The following ASPHD2 variants were observed in gnomAD, a reference collection of about 807,000 sequenced individuals.
The protein encoded by ASPHD2 is aspartate beta-hydroxylase domain-containing protein 2.
Under a neutral mutation model 34.6 loss-of-function variants are expected in ASPHD2, and 12 were observed. The observed-to-expected ratio is 0.35, with a 90% confidence interval of 0.22 to 0.56. The LOEUF is 0.56. ASPHD2 is among the 20% of genes least tolerant of loss of function. The pLI, the probability that ASPHD2 is intolerant of heterozygous loss-of-function variation, is 0.87. For synonymous variants in ASPHD2, 224 were observed against 212.2 expected, an observed-to-expected ratio of 1.06 and a Z score of -0.48; for missense variants, 375 against 505.0, an observed-to-expected ratio of 0.74 and a Z score of 2.47.
chr22:26,433,257 T>G lies in ASPHD2; in HGVS notation c.-224-135T>G. 1 of 283,630 alleles carries G rather than the reference T, an allele frequency of 3.5e-6. No individual in the cohort carries two copies. The allele number at this position is 283,630 out of a possible 1,614,324, so 17.6% of individuals were successfully genotyped here. A position where few individuals can be genotyped will look rare whatever the true frequency, so the allele number is the denominator to read the frequency against. ...TTGGGAAATGGGAGTGGCAGTAGAATGGGGAGGGAATACACAAGATTGCAA... is the reference window on the plus strand; with the variant it reads ...TTGGGAAATGGGAGTGGCAGTAGAAGGGGGAGGGAATACACAAGATTGCAA... On this transcript the variant is annotated intron_variant, in intron 1 of 3. Transcript: ENST00000215906. The surrounding 1 kb of genome is among the most constrained non-coding windows in gnomAD (Gnocchi z 5.1).
At chr22:26,438,476 T>TATATACATATATATACACAC (rs2084807388) in intron 2 of ASPHD2, among the ~76,000 whole-genome samples, 1 of 108,212 alleles carries the variant, frequency 9.2e-6, no homozygotes, top group Non-Finnish European at 2.1e-5. Flanking sequence ...CACACATATA[T>TATATACATATATATACACAC]ATACATATAT....
intron 2 of ASPHD2, among the ~76,000 whole-genome samples, chr22:26,438,682 C>T (rs75089944): frequency 2.8e-5 from 4 of 142,956 alleles, no homozygotes; most frequent in East Asian, 2.0e-4. Context: ...CATACATACA[C>T]ACACACACAC....
chr22:26,434,395 T>C lies in ASPHD2; in HGVS notation c.780T>C (p.Cys260=), dbSNP rs2084778029. 1.2e-6 allele frequency: 2 copies of C among 1,614,054 alleles called. No individual in the cohort carries two copies. The highest frequency in any genetic ancestry group is 1.7e-5 in the Admixed American group (1 of 60,006). Residue 260 remains cysteine (C), a synonymous_variant, in exon 2 of 4, where the codon TGT becomes TGC. Coordinates refer to ENST00000215906, the MANE Select transcript of ASPHD2 (RefSeq NM_020437.5). The part of the protein sequence containing the change: ...TYRLLGSLRT[C]IGNNVFGNAC... ...GCTTGCTCGGAAGCCTTCGGACCTG[T>C]ATTGGGAACAATGTTTTTGGGAACG...
intron 2 of ASPHD2, among the ~76,000 whole-genome samples, chr22:26,437,363 T>C (rs1244674661): frequency 1.3e-5 from 2 of 152,200 alleles, no homozygotes; most frequent in African/African-American, 4.8e-5. Context: ...CAGCCACTGC[T>C]CCTCACTAAC....
At position 26,444,358 on chromosome 22, in the gene ASPHD2, T is replaced by C. The variant is rs1459702935; in HGVS notation, c.*1152T>C. 6.6e-6 allele frequency: 1 copy of C among 152,032 alleles called. No individual in the cohort carries two copies. Among genetic ancestry groups the C allele is most frequent in the East Asian group, 1.9e-4 (1 of 5,190 alleles). 9.4% of individuals were successfully genotyped at this position (152,032 alleles called of 1,614,324 possible). The stretch of plus-strand genomic sequence containing the variant: ...ACTGCGTGACAATGACCCAAGCCAG[T>C]GTGTGCTAGTGAGGAGACAGAGAAG... On this transcript the variant is annotated 3_prime_UTR_variant, in exon 4 of 4. Coordinates refer to ENST00000215906, the MANE Select transcript of ASPHD2 (RefSeq NM_020437.5).
At chr22:26,441,012 AT>A (rs2084832525) in intron 2 of ASPHD2, among the ~76,000 whole-genome samples, 1 of 152,232 alleles carries the variant, frequency 6.6e-6, no homozygotes, top group Non-Finnish European at 1.5e-5. Context: ...GAAGGAATGA[AT>A]TTTTGCCAAG....
intron 2 of ASPHD2, among the ~76,000 whole-genome samples, chr22:26,438,652 C>T (rs71324140): frequency 2.5e-4 from 31 of 122,566 alleles, no homozygotes; most frequent in African/African-American, 6.6e-4. Flanking sequence ...TATACACATA[C>T]ATATATATAT....
intron 2 of ASPHD2, 132 bp downstream of exon 2, chr22:26,434,633 GA>G: frequency 1.0e-6 from 1 of 978,224 alleles, no homozygotes; most frequent in Non-Finnish European, 1.5e-6. Flanking sequence ...AAAAACTGAT[GA>G]ATTGCATGTA....
At position 26,442,574 on chromosome 22, in the gene ASPHD2, T is replaced by TG; in HGVS notation, c.1000+3dup. The stretch of plus-strand genomic sequence containing the variant: ...TCCTGCATGCTGCGTTCCATGAAGG[T>TG]GAGTGGCTGCCTTTCCCACTTCCTT... On this transcript the variant is annotated splice_region_variant and intron_variant, in intron 3 of 3. Coordinates refer to ENST00000215906, the MANE Select transcript of ASPHD2 (RefSeq NM_020437.5). 1 of 1,584,278 alleles carries TG rather than the reference T, an allele frequency of 6.3e-7. No individual in the cohort carries two copies. The highest frequency in any genetic ancestry group is 8.6e-7 in the Non-Finnish European group (1 of 1,162,010).
chr22:26,440,876 G>A (rs188292791), intron 2 of ASPHD2, among the ~76,000 whole-genome samples: 1 of 152,336 alleles, frequency 6.6e-6, no homozygotes, highest in East Asian at 1.9e-4. Flanking sequence ...ACTGGGTAAG[G>A]CAAGGTTCTA....
intron 2 of ASPHD2, among the ~76,000 whole-genome samples, chr22:26,442,000 G>A (rs145928361): frequency 2.2e-4 from 33 of 151,612 alleles, no homozygotes; most frequent in Non-Finnish European, 3.2e-4. Flanking sequence ...CAGCTACTCC[G>A]GAGGCTGAGG....
intron 2 of ASPHD2, among the ~76,000 whole-genome samples, chr22:26,436,845 T>C (rs1601702265): frequency 3.9e-5 from 2 of 51,366 alleles, no homozygotes; most frequent in South Asian, 9.9e-4. Flanking sequence ...TGCATGCATG[T>C]GTGTGTGTGT....
Position 26,433,929 on chromosome 22 carries a change from A to G in ASPHD2, c.314A>G (p.Tyr105Cys), listed in dbSNP as rs777183572. The change falls in exon 2 of 4, where the codon TAC becomes TGC. Residue 105 changes from tyrosine to cysteine, a missense_variant. Coordinates refer to ENST00000215906, the MANE Select transcript of ASPHD2 (RefSeq NM_020437.5). The surrounding 1 kb of genome is among the most constrained non-coding windows in gnomAD (Gnocchi z 5.1). ...GATGCCAACGGGCTGCAGAATGGCT[A>G]CGTGTACTGCCAGTCCCCTGAGTGC... ...AADANGLQNG[Y>C]VYCQSPECVR... The G allele has an allele frequency of 6.2e-7, 1 of 1,613,560 alleles. No individual in the cohort carries two copies. Among genetic ancestry groups the G allele is most frequent in the Non-Finnish European group, 8.5e-7 (1 of 1,180,026 alleles).
intron 2 of ASPHD2, among the ~76,000 whole-genome samples, chr22:26,438,646 C>CAT (rs1207306514): frequency 0.01 from 626 of 59,640 alleles, 8 homozygotes; most frequent in Non-Finnish European, 0.015. Context: ...TATATATATA[C>CAT]ACATACATAT....
Position 26,442,604 on chromosome 22 carries a change from T to C in ASPHD2, c.1000+32T>C, listed in dbSNP as rs763038968. 8.7e-6 allele frequency: 13 copies of C among 1,491,548 alleles called. No individual in the cohort carries two copies. In the African/African-American group the frequency reaches 1.3e-4, roughly 15 times the overall value. The allele number at this position is 1,491,548 out of a possible 1,614,324, so 92.4% of individuals were successfully genotyped here. A position where few individuals can be genotyped will look rare whatever the true frequency, so the allele number is the denominator to read the frequency against. ...GGCTGCCTTTCCCACTTCCTTTTTTTCAATGAATAGACTTTTATTTTTTTA... is the reference window on the plus strand; with the variant it reads ...GGCTGCCTTTCCCACTTCCTTTTTTCCAATGAATAGACTTTTATTTTTTTA... On this transcript the variant is annotated intron_variant, in intron 3 of 3. Coordinates refer to ENST00000215906, the MANE Select transcript of ASPHD2 (RefSeq NM_020437.5).
chr22:26,437,795 C>T (rs377444406), intron 2 of ASPHD2, among the ~76,000 whole-genome samples: 1 of 152,130 alleles, frequency 6.6e-6, no homozygotes, highest in Non-Finnish European at 1.5e-5. Context: ...GGACACAGCC[C>T]TTTCTCTACC....
At chr22:26,436,842 A>ATG (rs4049320) in intron 2 of ASPHD2, among the ~76,000 whole-genome samples, 19,622 of 148,772 alleles carry the variant, frequency 0.13, 1,360 homozygotes, top group Non-Finnish European at 0.15. Context: ...ATATGCATGC[A>ATG]TGTGTGTGTG....
In ASPHD2 at chr22:26,433,772, G is replaced by A. The variant is rs140657637; in HGVS notation, c.157G>A (p.Val53Met). The change falls in exon 2 of 4, where the codon GTG (valine) becomes ATG (methionine). Residue 53 changes from valine to methionine, a missense_variant. Coordinates refer to ENST00000215906, the MANE Select transcript of ASPHD2 (RefSeq NM_020437.5). The surrounding 1 kb of genome is among the most constrained non-coding windows in gnomAD (Gnocchi z 5.1). The part of the protein sequence containing the change: ...RDCIATGIQS[V>M]RDCDTTAVIT... ...CTGCATCGCCACCGGCATCCAGTCC[G>A]TGCGGGACTGCGACACCACCGCTGT... The A allele has an allele frequency of 2.2e-5, 35 of 1,613,676 alleles. No individual in the cohort carries two copies. The highest frequency in any genetic ancestry group is 2.7e-5 in the African/African-American group (2 of 74,926).
In ASPHD2 at chr22:26,434,066, G is replaced by A. The variant is rs2084775488; in HGVS notation, c.451G>A (p.Glu151Lys). The change falls in exon 2 of 4, where the codon GAG (glutamate) becomes AAG (lysine). Residue 151 changes from glutamate to lysine, a missense_variant. Physicochemically the swap from Glu to Lys is moderately conservative, Grantham distance 56 (BLOSUM62 1). Around this residue, in one of 3 missense-constraint regions of ASPHD2, gnomAD observed 223 missense variants for 257.8 expected, o/e 0.87. Coordinates refer to ENST00000215906, the MANE Select transcript of ASPHD2 (RefSeq NM_020437.5). The stretch of plus-strand genomic sequence containing the variant: ...GGGCCGCATCCACAAGGGCATCCGC[G>A]AGCAGGGCCGGTACCTCAACAGCCG... ...GMGRIHKGIR[E>K]QGRYLNSRPS... 4 of 1,613,402 alleles carry A rather than the reference G, an allele frequency of 2.5e-6. No individual in the cohort carries two copies. The highest frequency in any genetic ancestry group is 3.4e-6 in the Non-Finnish European group (4 of 1,179,926).
Sources: allele counts gnomAD v4.1 joint callset (sites outside exome capture counted in the v4.1 genomes callset), GRCh38; gene constraint gnomAD v4.1.1; regional missense constraint gnomAD v4.1.1; non-coding constraint Gnocchi (gnomAD v3.1); transcripts MANE v1.5; gene names NCBI Gene and HGNC (gene_info 2026-07-23, HGNC 2026-07-21).